Variants in CDK14 observed in about 807,000 individuals in gnomAD.
CDK14 encodes cyclin-dependent kinase 14.
A neutral mutation model predicts 60.7 loss-of-function variants in CDK14; 34 were observed. That is an observed-to-expected ratio of 0.56 (90% CI 0.43 to 0.75). CDK14 has a LOEUF of 0.75. Ranked by LOEUF, CDK14 falls within the 30% of genes least tolerant of loss-of-function variation. The pLI is 0.00. For missense variants in CDK14, 482 were observed against 564.1 expected (o/e 0.85, Z 1.47); for synonymous variants, 197 against 203.7 (o/e 0.97, Z 0.28).
intron 10 of CDK14, among the ~76,000 whole-genome samples, chr7:91,045,270 C>T (rs1373057342): frequency 6.6e-6 from 1 of 152,062 alleles, no homozygotes; most frequent in Non-Finnish European, 1.5e-5. Flanking sequence ...TTCCTTTCCC[C>T]AGATCAAACA....
intron 12 of CDK14, among the ~76,000 whole-genome samples, chr7:91,086,023 G>C (rs1484198926): frequency 1.3e-5 from 2 of 152,118 alleles, no homozygotes; most frequent in Non-Finnish European, 2.9e-5. Context: ...CAAGAGTTAA[G>C]GGCCACATGT....
intron 4 of CDK14, among the ~76,000 whole-genome samples, chr7:90,778,897 T>TTCTTTTCTCTCTCCTCTC (rs1157249411): frequency 8.2e-5 from 8 of 97,324 alleles, no homozygotes; most frequent in Admixed American, 3.6e-4. Flanking sequence ...CCTTCCTTCC[T>TTCTTTTCTCTCTCCTCTC]TCTTTTCTCT....
chr7:90,666,695 A>AGG lies in CDK14; in HGVS notation c.124-59871_124-59870dup, dbSNP rs1019704066. Reference sequence around the variant, plus strand: ...TTTGGTTAAGAAGAGGCGGTATCTTAGGAAGGAAGGTCCTGAAAGTAATGG... The same window carrying AGG: ...TTTGGTTAAGAAGAGGCGGTATCTTAGGGGAAGGAAGGTCCTGAAAGTAATGG... On this transcript the variant is annotated intron_variant, in intron 2 of 14. Transcript: ENST00000380050. Among the ~76,000 whole-genome samples the AGG allele has an allele frequency of 1.7e-3, 261 of 152,302 alleles. 2 individuals are homozygous for AGG. Among genetic ancestry groups the AGG allele is most frequent in the African/African-American group, 6.1e-3 (255 of 41,570 alleles).
At chr7:90,640,332 A>G (rs951457254) in intron 2 of CDK14, among the ~76,000 whole-genome samples, 1 of 152,212 alleles carries the variant, frequency 6.6e-6, no homozygotes, top group African/African-American at 2.4e-5. Context: ...ATTAATAATG[A>G]TAATTAATCT....
intron 4 of CDK14, among the ~76,000 whole-genome samples, chr7:90,777,765 C>T (rs751564295): frequency 6.6e-6 from 1 of 152,226 alleles, no homozygotes; most frequent in Non-Finnish European, 1.5e-5. Context: ...AGGATGGAAT[C>T]CTCTGTGCCT....
chr7:91,043,036 G>T (rs763737176), intron 10 of CDK14, among the ~76,000 whole-genome samples: 4 of 152,096 alleles, frequency 2.6e-5, no homozygotes, highest in Non-Finnish European at 5.9e-5. Context: ...AATGGTTCAG[G>T]GTTGTAAGCA....
At chr7:90,815,306 CAT>C (rs1202768297) in intron 5 of CDK14, among the ~76,000 whole-genome samples, 7 of 152,024 alleles carry the variant, frequency 4.6e-5, no homozygotes, top group African/African-American at 1.4e-4. Flanking sequence ...TATCAACAAA[CAT>C]ATGAAAAAAA....
chr7:91,114,315 A>C (rs1426747214), intron 13 of CDK14, among the ~76,000 whole-genome samples: 1 of 152,144 alleles, frequency 6.6e-6, no homozygotes, highest in African/African-American at 2.4e-5. Context: ...CAGTGGTTAA[A>C]TCCAGTTTCT....
At chr7:91,141,357 G>T (rs1368994277) in intron 14 of CDK14, among the ~76,000 whole-genome samples, 1 of 152,186 alleles carries the variant, frequency 6.6e-6, no homozygotes, top group Non-Finnish European at 1.5e-5. Context: ...CGACTTCAAA[G>T]AACTCAGAAG....
At chr7:91,166,227 A>T (rs1801342753) in intron 14 of CDK14, among the ~76,000 whole-genome samples, 3 of 152,230 alleles carry the variant, frequency 2.0e-5, no homozygotes, top group Admixed American at 2.0e-4. Flanking sequence ...TCATGTAGTC[A>T]AATCTTAGGA....
intron 2 of CDK14, among the ~76,000 whole-genome samples, chr7:90,689,973 C>T (rs1801520701): frequency 7.6e-6 from 1 of 131,608 alleles, no homozygotes; most frequent in African/African-American, 2.8e-5. Flanking sequence ...GCTTCATGAT[C>T]AACGTAAGAG....
chr7:90,711,065 G>A (rs1471104942), intron 2 of CDK14, among the ~76,000 whole-genome samples: 9 of 151,974 alleles, frequency 5.9e-5, no homozygotes, highest in Non-Finnish European at 1.3e-4. Context: ...TATGTAAAAT[G>A]TAGATGGTGA....
chr7:90,683,575 C>T (rs68081937), intron 2 of CDK14, among the ~76,000 whole-genome samples: 29,320 of 152,196 alleles, frequency 0.19, 3,007 homozygotes, highest in African/African-American at 0.23. Context: ...CCAAGGCGGG[C>T]GGATCACCTG....
intron 12 of CDK14, among the ~76,000 whole-genome samples, chr7:91,083,105 C>CT (rs949270233): frequency 7.6e-4 from 113 of 149,328 alleles, no homozygotes; most frequent in African/African-American, 2.1e-3. Context: ...CCCACTTTCA[C>CT]TTTTTTTTTT....
At chr7:90,676,788 G>A (rs1182154108) in intron 2 of CDK14, among the ~76,000 whole-genome samples, 12 of 151,894 alleles carry the variant, frequency 7.9e-5, no homozygotes, top group Admixed American at 6.6e-4. Flanking sequence ...TTCCTGCCTT[G>A]GCCTCCCAAA....
At chr7:90,848,649 A>G (rs924848148) in intron 5 of CDK14, among the ~76,000 whole-genome samples, 23 of 152,322 alleles carry the variant, frequency 1.5e-4, no homozygotes, top group Middle Eastern at 6.8e-3. Flanking sequence ...GGGAGGACAC[A>G]TCCCAAATTG....
chr7:91,135,022 C>T (rs1448778023), intron 14 of CDK14, among the ~76,000 whole-genome samples: 4 of 151,808 alleles, frequency 2.6e-5, no homozygotes, highest in Non-Finnish European at 4.4e-5. Context: ...ATATATATTT[C>T]TGTCAAAAAA....
At chr7:91,036,684 CT>C (rs1023513686) in intron 10 of CDK14, among the ~76,000 whole-genome samples, 8 of 152,040 alleles carry the variant, frequency 5.3e-5, no homozygotes, top group African/African-American at 1.9e-4. Flanking sequence ...TCCTAATATT[CT>C]TTTTTTCTAG....
chr7:90,747,307 T>C (rs780916417), intron 3 of CDK14, among the ~76,000 whole-genome samples: 1 of 152,068 alleles, frequency 6.6e-6, no homozygotes, highest in Non-Finnish European at 1.5e-5. Context: ...TATAATAACA[T>C]GTAAAGTGTT....
Sources: allele counts gnomAD v4.1 joint callset (sites outside exome capture counted in the v4.1 genomes callset), GRCh38; gene constraint gnomAD v4.1.1; transcripts MANE v1.5; gene names NCBI Gene and HGNC (gene_info 2026-07-23, HGNC 2026-07-21).